RUBCN: variants seen among roughly 807,000 people sequenced by gnomAD.
RUBCN encodes run domain Beclin-1-interacting and cysteine-rich domain-containing protein.
Under a neutral mutation model 113.2 loss-of-function variants are expected in RUBCN, and 74 were observed. That is an observed-to-expected ratio of 0.65 (90% CI 0.54 to 0.79). The LOEUF is 0.79. Among genes scored for constraint, RUBCN ranks in the 30% least tolerant of loss-of-function variants. RUBCN has a pLI of 0.00. For missense variants in RUBCN, 1,109 were observed against 1,251.7 expected, an observed-to-expected ratio of 0.89 and a Z score of 1.72; for synonymous variants, 480 against 490.0, an observed-to-expected ratio of 0.98 and a Z score of 0.27.
rs201373464 is a variant in RUBCN, at chr3:197,694,590, C to T, written c.1474-5G>A. The stretch of plus-strand genomic sequence containing the variant: ...GATGCTGAAGTGGGCATTCTCCTGG[C>T]GGAAGGAGAGCACCAAACAGGCAAA... On this transcript the variant is annotated splice_polypyrimidine_tract_variant and splice_region_variant and intron_variant, in intron 9 of 19. Coordinates refer to ENST00000296343, the MANE Select transcript of RUBCN (RefSeq NM_014687.4). 6.4e-4 allele frequency: 1,036 copies of T among 1,613,186 alleles called. 14 individuals are homozygous for T. The highest frequency in any genetic ancestry group is 1.3e-3 in the Middle Eastern group (8 of 6,060).
intron 1 of RUBCN, among the ~76,000 whole-genome samples, chr3:197,721,728 T>C (rs950995476): frequency 6.6e-6 from 1 of 152,170 alleles, no homozygotes; most frequent in Non-Finnish European, 1.5e-5. Context: ...TTAATTGCTA[T>C]TTTCTTCCCT....
At chr3:197,703,396 TCA>T in intron 5 of RUBCN, 150 bp downstream of exon 5, 1 of 312,758 alleles carries the variant, frequency 3.2e-6, no homozygotes, top group East Asian at 5.8e-5. Context: ...AGACTCTGTC[TCA>T]AAAAAAAAAA....
intron 11 of RUBCN, among the ~76,000 whole-genome samples, chr3:197,692,297 C>T (rs1189596144): frequency 1.3e-5 from 2 of 152,030 alleles, no homozygotes; most frequent in African/African-American, 2.4e-5. Flanking sequence ...GGGGGCAGGA[C>T]GAGTTCCTGT....
At chr3:197,678,048 A>G (rs1196458508) in intron 16 of RUBCN, among the ~76,000 whole-genome samples, 2 of 136,168 alleles carry the variant, frequency 1.5e-5, no homozygotes, top group African/African-American at 6.1e-5. Flanking sequence ...AGACTGTCCT[A>G]TGCTCTAACT....
At chr3:197,705,281 C>G in intron 2 of RUBCN, 106 bp from the exon 3 acceptor site, 1 of 985,818 alleles carries the variant, frequency 1.0e-6, no homozygotes, top group East Asian at 2.5e-5. Context: ...CTTCCCTTGC[C>G]TCATCAAAGG....
In RUBCN at chr3:197,683,203, G is replaced by C. The variant is rs1408897392; in HGVS notation, c.1980+104C>G. On this transcript the variant is annotated intron_variant, in intron 13 of 19. Transcript: ENST00000296343. This position sits in a 1 kb window ranked among gnomAD's most constrained non-coding sequence, Gnocchi z 4.6. ...AATGAATGGCTTCCACGAGTAAGGG[G>C]GGAACACCCAGGCTCATTCCAGACT... 1.4e-5 allele frequency: 20 copies of C among 1,392,438 alleles called. No individual in the cohort carries two copies. The highest frequency in any genetic ancestry group is 1.9e-5 in the Non-Finnish European group (19 of 978,510). The allele number at this position is 1,392,438 out of a possible 1,614,324, so 86.3% of individuals were successfully genotyped here. A position where few individuals can be genotyped will look rare whatever the true frequency, so the allele number is the denominator to read the frequency against.
chr3:197,679,825 C>T (rs559167112), intron 16 of RUBCN, among the ~76,000 whole-genome samples: 37 of 144,600 alleles, frequency 2.6e-4, no homozygotes, highest in African/African-American at 8.2e-4. Context: ...GACTGTCCTA[C>T]GCTCTGACAA....
intron 1 of RUBCN, among the ~76,000 whole-genome samples, chr3:197,724,923 T>C (rs1246029886): frequency 6.6e-6 from 1 of 152,164 alleles, no homozygotes; most frequent in Non-Finnish European, 1.5e-5. Context: ...CTCACGCCTG[T>C]AACCCCAGCA....
At position 197,674,370 on chromosome 3, in the gene RUBCN, A is replaced by G. The variant is rs1314340117; in HGVS notation, c.*648T>C. On this transcript the variant is annotated 3_prime_UTR_variant, in exon 20 of 20. Transcript: ENST00000296343. Reference sequence around the variant, plus strand: ...TTGTGGCATCCTCTATGCTTCAAATATTTCAAACAGGAACTCCCGGCAACA... The same window carrying G: ...TTGTGGCATCCTCTATGCTTCAAATGTTTCAAACAGGAACTCCCGGCAACA... 2 of 253,800 alleles carry G rather than the reference A, an allele frequency of 7.9e-6. No individual in the cohort carries two copies. Among genetic ancestry groups the G allele is most frequent in the African/African-American group, 4.6e-5 (2 of 43,578 alleles). The allele number at this position is 253,800 out of a possible 1,614,324, so 15.7% of individuals were successfully genotyped here. A position where few individuals can be genotyped will look rare whatever the true frequency, so the allele number is the denominator to read the frequency against.
At chr3:197,729,069 C>G (rs1358193004) in intron 1 of RUBCN, among the ~76,000 whole-genome samples, 4 of 150,534 alleles carry the variant, frequency 2.7e-5, no homozygotes, top group African/African-American at 9.8e-5. Context: ...TGGCGTGAAC[C>G]CGGGAGGCGG....
chr3:197,675,645 T>A lies in RUBCN; in HGVS notation c.2647-130A>T. On this transcript the variant is annotated intron_variant, in intron 18 of 19. Coordinates refer to ENST00000296343, the MANE Select transcript of RUBCN (RefSeq NM_014687.4). This position sits in a 1 kb window ranked among gnomAD's most constrained non-coding sequence, Gnocchi z 4.4. ...CACAGGGAGGAGGCCTGGGCTGGAC[T>A]CAGAAGCATGAAAGCTAAACTAGGA... 1 of 742,742 alleles carries A rather than the reference T, an allele frequency of 1.3e-6. No homozygotes were observed. Among genetic ancestry groups the A allele is most frequent in the Non-Finnish European group, 2.4e-6 (1 of 417,376 alleles). 46.0% of individuals were successfully genotyped at this position (742,742 alleles called of 1,614,324 possible). A position where few individuals can be genotyped will look rare whatever the true frequency, so the allele number is the denominator to read the frequency against.
intron 1 of RUBCN, among the ~76,000 whole-genome samples, chr3:197,746,685 G>A (rs1387377875): frequency 6.6e-6 from 1 of 152,072 alleles, no homozygotes; most frequent in Non-Finnish European, 1.5e-5. Context: ...AATTTAGCTG[G>A]CCCTGCATTT....
rs1455042793 is a variant in RUBCN, at chr3:197,681,173, T to G, written c.2386A>C (p.Asn796His). 1 of 1,614,052 alleles carries G rather than the reference T, an allele frequency of 6.2e-7. No homozygotes were observed. The highest frequency in any genetic ancestry group is 2.2e-5 in the East Asian group (1 of 44,866). Residue 796 changes from asparagine (N) to histidine (H), a missense_variant, in exon 16 of 20, where the codon AAC becomes CAC. Physicochemically the swap from Asn to His is moderately conservative, Grantham distance 68. Transcript: ENST00000296343. The surrounding 1 kb of genome is among the most constrained non-coding windows in gnomAD (Gnocchi z 5.5). ...TTGACCTTCCTATAGAGGGCACTGT[T>G]TATGTCCTGCACGTTGAAGAGAGGA... ...NDPLFNVQDI[N>H]SALYRKVKLL...
At chr3:197,749,480 G>C (rs536315283) in exon 1 of RUBCN, 2 of 1,281,362 alleles carry the variant, frequency 1.6e-6, no homozygotes, top group Non-Finnish European at 2.0e-6. Context: ...AGGGAGGGGG[G>C]AGCTGGGATG....
At position 197,683,511 on chromosome 3, in the gene RUBCN, C is replaced by A. The variant is rs1721500460; in HGVS notation, c.1848-72G>T. The A allele has an allele frequency of 6.4e-7, 1 of 1,574,280 alleles. No homozygotes were observed. Among genetic ancestry groups the A allele is most frequent in the Non-Finnish European group, 8.7e-7 (1 of 1,149,900 alleles). ...GCGATGCGAGGCTTCCCTTCATGATCTCATCCCCCACGCAGCAACTTCTGG... is the reference window on the plus strand; with the variant it reads ...GCGATGCGAGGCTTCCCTTCATGATATCATCCCCCACGCAGCAACTTCTGG... On this transcript the variant is annotated intron_variant, in intron 12 of 19. Coordinates refer to ENST00000296343, the MANE Select transcript of RUBCN (RefSeq NM_014687.4). This position sits in a 1 kb window ranked among gnomAD's most constrained non-coding sequence, Gnocchi z 4.6.
chr3:197,721,571 TA>T (rs1726171735), intron 1 of RUBCN, among the ~76,000 whole-genome samples: 1 of 152,098 alleles, frequency 6.6e-6, no homozygotes, highest in South Asian at 2.1e-4. Context: ...TTTATATATA[TA>T]TTTTTTCATT....
chr3:197,744,291 A>T (rs1438558492), intron 1 of RUBCN, among the ~76,000 whole-genome samples: 1 of 152,182 alleles, frequency 6.6e-6, no homozygotes, highest in Non-Finnish European at 1.5e-5. Context: ...ATATACCATG[A>T]CCAAGTAGGT....
intron 2 of RUBCN, among the ~76,000 whole-genome samples, chr3:197,708,527 GA>G (rs1313499613): frequency 5.5e-5 from 1 of 18,304 alleles, no homozygotes; most frequent in Non-Finnish European, 1.3e-4. Context: ...ATGCTACGAA[GA>G]AAAAAAAAGA....
chr3:197,734,924 A>G (rs1245425763), intron 1 of RUBCN, among the ~76,000 whole-genome samples: 1 of 152,226 alleles, frequency 6.6e-6, no homozygotes, highest in Non-Finnish European at 1.5e-5. Context: ...GGTTTTGTTC[A>G]ACAGGCCACT....
Sources: allele counts gnomAD v4.1 joint callset (sites outside exome capture counted in the v4.1 genomes callset), GRCh38; gene constraint gnomAD v4.1.1; non-coding constraint Gnocchi (gnomAD v3.1); transcripts MANE v1.5; gene names NCBI Gene and HGNC (gene_info 2026-07-23, HGNC 2026-07-21).